TTC7B: variants seen among roughly 807,000 people sequenced by gnomAD.
TTC7B encodes the protein tetratricopeptide repeat protein 7B.
In TTC7B, 28 loss-of-function variants were observed where a neutral mutation model predicts 106.8. That is an observed-to-expected ratio of 0.26 (90% CI 0.19 to 0.36). TTC7B has a LOEUF of 0.36. TTC7B is among the 10% of genes least tolerant of loss of function. TTC7B has a pLI of 1.00. For missense variants in TTC7B, 862 were observed against 1,076.4 expected (o/e 0.80, Z 2.79); for synonymous variants, 405 against 430.6 (o/e 0.94, Z 0.74).
chr14:90,629,905 A>G (rs1170135564), intron 15 of TTC7B, among the ~76,000 whole-genome samples: 3 of 152,026 alleles, frequency 2.0e-5, no homozygotes, highest in Non-Finnish European at 4.4e-5. Flanking sequence ...GCATCTTTGG[A>G]AAAAAAACTA....
At chr14:90,574,934 G>C (rs746980297) in intron 19 of TTC7B, among the ~76,000 whole-genome samples, 13 of 152,178 alleles carry the variant, frequency 8.5e-5, no homozygotes, top group Non-Finnish European at 1.5e-4. Flanking sequence ...TTGGCTCTTT[G>C]ATGCTCCCTA....
intron 4 of TTC7B, among the ~76,000 whole-genome samples, chr14:90,741,793 C>A (rs1889776528): frequency 6.6e-6 from 1 of 152,186 alleles, no homozygotes; most frequent in Non-Finnish European, 1.5e-5. Context: ...TCCTCGCTAG[C>A]CTTCTGCTTA....
At chr14:90,554,179 G>T (rs1427119438) in intron 19 of TTC7B, among the ~76,000 whole-genome samples, 1 of 152,218 alleles carries the variant, frequency 6.6e-6, no homozygotes, top group Non-Finnish European at 1.5e-5. Flanking sequence ...CTGGCAATCG[G>T]TGGGACATCC....
At chr14:90,612,018 T>C (rs1892896515) in intron 16 of TTC7B, among the ~76,000 whole-genome samples, 1 of 152,210 alleles carries the variant, frequency 6.6e-6, no homozygotes, top group Non-Finnish European at 1.5e-5. Flanking sequence ...CCTTCCTTTA[T>C]GCAGCTGTTG....
chr14:90,664,813 T>C, intron 9 of TTC7B, among the ~76,000 whole-genome samples: 1 of 152,182 alleles, frequency 6.6e-6, no homozygotes, highest in East Asian at 1.9e-4. Flanking sequence ...TAATGGGGGT[T>C]AAATGCAGAA....
intron 3 of TTC7B, among the ~76,000 whole-genome samples, chr14:90,750,627 T>C (rs1485084556): frequency 6.6e-6 from 1 of 152,214 alleles, no homozygotes; most frequent in African/African-American, 2.4e-5. Context: ...TAGTGTTTCC[T>C]GTGGGTTCAT....
At position 90,578,372 on chromosome 14, in the gene TTC7B, C is replaced by T; in HGVS notation, c.2108-64G>A. The T allele has an allele frequency of 6.6e-7, 1 of 1,525,060 alleles. No homozygotes were observed. The allele number at this position is 1,525,060 out of a possible 1,614,324, so 94.5% of individuals were successfully genotyped here. On this transcript the variant is annotated intron_variant, in intron 18 of 19. Coordinates refer to ENST00000328459, the MANE Select transcript of TTC7B (RefSeq NM_001010854.2). The surrounding 1 kb of genome is among the most constrained non-coding windows in gnomAD (Gnocchi z 4.7). ...CCCTCTGAGGCCCTGCGAGCAGCCA[C>T]CACTCTGATGTTCGTGTTCCCTGCA...
chr14:90,682,151 T>A (rs1201513000), intron 7 of TTC7B, among the ~76,000 whole-genome samples: 2 of 152,216 alleles, frequency 1.3e-5, no homozygotes, highest in Non-Finnish European at 2.9e-5. Context: ...GCTAGCCGGT[T>A]CTGCATTATC....
intron 15 of TTC7B, among the ~76,000 whole-genome samples, chr14:90,643,648 T>C (rs901669186): frequency 5.9e-5 from 9 of 151,998 alleles, no homozygotes; most frequent in Non-Finnish European, 8.8e-5. Context: ...AGGGGTACAA[T>C]CTCCACTGAC....
intron 9 of TTC7B, among the ~76,000 whole-genome samples, chr14:90,661,606 C>T (rs1329767159): frequency 2.0e-5 from 3 of 151,874 alleles, no homozygotes; most frequent in Admixed American, 6.6e-5. Flanking sequence ...ACACGGGAGC[C>T]GGTATGTGGA....
chr14:90,586,219 G>T (rs1365868192), intron 18 of TTC7B, among the ~76,000 whole-genome samples: 1 of 152,076 alleles, frequency 6.6e-6, no homozygotes, highest in East Asian at 1.9e-4. Context: ...CTTTCCTCCC[G>T]CCTTGCCGAC....
rs1420183030 is a variant in TTC7B at position 90,537,568 on chromosome 14, C to G, written c.*3800G>C. 6.6e-6 allele frequency: 1 copy of G among 152,370 alleles called. No individual in the cohort carries two copies. The highest frequency in any genetic ancestry group is 1.9e-4 in the East Asian group (1 of 5,184). The allele number at this position is 152,370 out of a possible 1,614,324, so 9.4% of individuals were successfully genotyped here. ...GGTCCACGAGGCCGCACCTGTGTGG[C>G]CCCTGTTAAACTTCTGACCTCTTCT... On this transcript the variant is annotated 3_prime_UTR_variant, in exon 20 of 20. Transcript: ENST00000328459.
chr14:90,612,443 T>C (rs576894069), intron 16 of TTC7B, among the ~76,000 whole-genome samples: 2 of 152,322 alleles, frequency 1.3e-5, no homozygotes, highest in African/African-American at 4.8e-5. Flanking sequence ...AGTGAAACGA[T>C]GACATATTAT....
At position 90,578,460 on chromosome 14, in the gene TTC7B, A is replaced by C; in HGVS notation, c.2108-152T>G. On this transcript the variant is annotated intron_variant, in intron 18 of 19. Coordinates refer to ENST00000328459, the MANE Select transcript of TTC7B (RefSeq NM_001010854.2). This position sits in a 1 kb window ranked among gnomAD's most constrained non-coding sequence, Gnocchi z 4.7. Reference sequence around the variant, plus strand: ...CTCCAAGTGGAAACAGCTGCCGCTGACAGTCCCTCCTGCCCACTCCTATAT... The same window carrying C: ...CTCCAAGTGGAAACAGCTGCCGCTGCCAGTCCCTCCTGCCCACTCCTATAT... 1 of 787,556 alleles carries C rather than the reference A, an allele frequency of 1.3e-6. No individual in the cohort carries two copies. Among genetic ancestry groups the C allele is most frequent in the Non-Finnish European group, 2.1e-6 (1 of 481,064 alleles). The allele number at this position is 787,556 out of a possible 1,614,324, so 48.8% of individuals were successfully genotyped here. A position where few individuals can be genotyped will look rare whatever the true frequency, so the allele number is the denominator to read the frequency against.
intron 8 of TTC7B, among the ~76,000 whole-genome samples, chr14:90,678,061 G>A (rs1211762957): frequency 6.6e-6 from 1 of 152,158 alleles, no homozygotes; most frequent in Non-Finnish European, 1.5e-5. Context: ...TGAGACCAAT[G>A]CCTGGAAGAG....
At chr14:90,726,724 G>A (rs886956259) in intron 5 of TTC7B, among the ~76,000 whole-genome samples, 5 of 152,216 alleles carry the variant, frequency 3.3e-5, no homozygotes, top group African/African-American at 1.2e-4. Context: ...TCACACAAGC[G>A]CTTGCTTTGG....
At chr14:90,784,053 G>A (rs1891300622) in intron 2 of TTC7B, among the ~76,000 whole-genome samples, 1 of 152,034 alleles carries the variant, frequency 6.6e-6, no homozygotes, top group Admixed American at 6.6e-5. Context: ...ATGAAGTTGG[G>A]GGGCGGGTAG....
chr14:90,704,541 C>T (rs1467028056), intron 5 of TTC7B, among the ~76,000 whole-genome samples: 1 of 152,222 alleles, frequency 6.6e-6, no homozygotes, highest in East Asian at 1.9e-4. Flanking sequence ...AATGTGACTA[C>T]CTCCTATGAC....
At position 90,578,033 on chromosome 14, in the gene TTC7B, C is replaced by T; in HGVS notation, c.2310+73G>A. On this transcript the variant is annotated intron_variant, in intron 19 of 19. Transcript: ENST00000328459. The surrounding 1 kb of genome is among the most constrained non-coding windows in gnomAD (Gnocchi z 4.7). ...TGGAAGCAGAAGAGGGTGTGAGGGT[C>T]ATGTGCTACCTGCCGCTTCCAAGGG... is the stretch of plus-strand genomic sequence containing the variant. The T allele has an allele frequency of 3.3e-6, 5 of 1,518,242 alleles. No individual in the cohort carries two copies. The South Asian group carries it at 3.6e-5, about 11-fold the overall frequency. 94.0% of individuals were successfully genotyped at this position (1,518,242 alleles called of 1,614,324 possible).
Sources: allele counts gnomAD v4.1 joint callset (sites outside exome capture counted in the v4.1 genomes callset), GRCh38; gene constraint gnomAD v4.1.1; non-coding constraint Gnocchi (gnomAD v3.1); transcripts MANE v1.5; gene names NCBI Gene and HGNC (gene_info 2026-07-23, HGNC 2026-07-21).